Variants in SVEP1 observed in about 807,000 individuals in gnomAD.
SVEP1 encodes the protein sushi, von Willebrand factor type A, EGF and pentraxin domain containing 1.
In SVEP1, 164 loss-of-function variants were observed where a neutral mutation model predicts 367.3. That is an observed-to-expected ratio of 0.45 (90% CI 0.39 to 0.51). The LOEUF (loss-of-function observed/expected upper bound fraction) is 0.51, where lower values mean the gene tolerates loss of function less well. Ranked by LOEUF, SVEP1 falls within the 20% of genes least tolerant of loss-of-function variation. The probability of loss-of-function intolerance (pLI) is 0.00; values close to 1 mark genes in which losing one functional copy is unlikely to be tolerated. For synonymous variants in SVEP1, 1,666 were observed against 1,611.6 expected, an observed-to-expected ratio of 1.03 and a Z score of -0.81; for missense variants, 4,117 against 4,425.3, an observed-to-expected ratio of 0.93 and a Z score of 1.98.
At chr9:110,453,999 A>C (rs1828739347) in intron 22 of SVEP1, among the ~76,000 whole-genome samples, 1 of 149,734 alleles carries the variant, frequency 6.7e-6, no homozygotes, top group African/African-American at 2.5e-5. Context: ...TTGGTTGCTT[A>C]TGTGTCTTCT....
intron 3 of SVEP1, among the ~76,000 whole-genome samples, chr9:110,534,048 CA>C (rs553181823): frequency 1.6e-3 from 239 of 152,166 alleles, no homozygotes; most frequent in African/African-American, 5.5e-3. Context: ...ACTTTAGATT[CA>C]GGGGTACATG....
intron 7 of SVEP1, among the ~76,000 whole-genome samples, chr9:110,497,830 T>A (rs577242120): frequency 4.4e-4 from 67 of 152,380 alleles, no homozygotes; most frequent in Admixed American, 2.4e-3. Context: ...TGGCTGAATA[T>A]ATCTGAATTG....
chr9:110,404,624 G>C lies in SVEP1; in HGVS notation c.9441-72C>G, dbSNP rs937875220. ...AGTTTCTGATCTATCCTTGGATTTA[G>C]GAAGCTGTTACAAGGCTCAGTAGAT... On this transcript the variant is annotated intron_variant, in intron 38 of 47. Transcript: ENST00000374469. 4.2e-6 allele frequency: 6 copies of C among 1,415,756 alleles called. No homozygotes were observed. The African/African-American group carries it at 7.1e-5, about 17-fold the overall frequency. 87.7% of individuals were successfully genotyped at this position (1,415,756 alleles called of 1,614,324 possible). A position where few individuals can be genotyped will look rare whatever the true frequency, so the allele number is the denominator to read the frequency against.
At chr9:110,423,414 A>G (rs1828206411) in intron 36 of SVEP1, among the ~76,000 whole-genome samples, 1 of 152,096 alleles carries the variant, frequency 6.6e-6, no homozygotes, top group Admixed American at 6.6e-5. Flanking sequence ...AAATAAATAT[A>G]CATAAGCAGT....
At chr9:110,506,301 C>T (rs1011037154) in intron 5 of SVEP1, among the ~76,000 whole-genome samples, 3 of 152,146 alleles carry the variant, frequency 2.0e-5, no homozygotes, top group African/African-American at 7.2e-5. Flanking sequence ...AGGACATAGG[C>T]ATGGGCAAAG....
chr9:110,528,148 G>GTA (rs1437524359), intron 3 of SVEP1, among the ~76,000 whole-genome samples: 13 of 31,886 alleles, frequency 4.1e-4, no homozygotes, highest in Admixed American at 1.2e-3. Context: ...GTGTGTGTGT[G>GTA]TGTGTGTGTA....
chr9:110,521,398 G>T (rs1223917018), intron 3 of SVEP1, among the ~76,000 whole-genome samples: 2 of 152,132 alleles, frequency 1.3e-5, no homozygotes, highest in African/African-American at 4.8e-5. Flanking sequence ...GCAGGAAATG[G>T]CACCCTAACT....
In SVEP1 at chr9:110,406,825, AC is replaced by A; in HGVS notation, c.8774del (p.Gly2925ValfsTer87). On this transcript the variant is annotated frameshift_variant, in exon 38 of 48. Transcript: ENST00000374469. LOFTEE classifies it high-confidence loss of function. The part of the protein sequence containing the change: ...FHCHEGYILH[G>X]APKLTCQSDG... ...CTGACTGACAGGTGAGTTTTGGAGC[AC>A]CGTGCAAGATGTAGCCCTCGTGACA... 1 of 1,613,988 alleles carries A rather than the reference AC, an allele frequency of 6.2e-7. No individual in the cohort carries two copies.
intron 25 of SVEP1, 34 bp from the exon 26 acceptor site, chr9:110,446,072 C>A: frequency 6.4e-7 from 1 of 1,557,092 alleles, no homozygotes; most frequent in Admixed American, 1.9e-5. Flanking sequence ...CAGACTGTGG[C>A]ACTTGAAAGA....
intron 5 of SVEP1, among the ~76,000 whole-genome samples, chr9:110,504,058 T>G (rs548816321): frequency 6.6e-6 from 1 of 151,726 alleles, no homozygotes; most frequent in South Asian, 2.1e-4. Flanking sequence ...TTATTTTGTT[T>G]TGTTTTTTGT....
In SVEP1 at chr9:110,408,410, G is replaced by C; in HGVS notation, c.7190C>G (p.Ala2397Gly). The C allele has an allele frequency of 6.2e-7, 1 of 1,613,962 alleles. No individual in the cohort carries two copies. Among genetic ancestry groups the C allele is most frequent in the Non-Finnish European group, 8.5e-7 (1 of 1,179,888 alleles). Residue 2397 changes from alanine to glycine, a missense_variant, in exon 38 of 48, where the codon GCT (alanine) becomes GGT (glycine). This residue lies in a region of SVEP1 where 1,765 missense variants were observed against 1,781.1 expected (regional missense o/e 0.99). Coordinates refer to ENST00000374469, the MANE Select transcript of SVEP1 (RefSeq NM_153366.4). ...ISFGVPIPSS[A>G]LHFGSTVKYS... ...CTTGACAGTACTTCCAAAATGAAGA[G>C]CAGAAGAAGGAATGGGGACACCAAA...
intron 3 of SVEP1, among the ~76,000 whole-genome samples, chr9:110,540,434 A>G (rs1830130103): frequency 6.6e-6 from 1 of 152,140 alleles, no homozygotes; most frequent in Admixed American, 6.6e-5. Flanking sequence ...AGAGTTATGT[A>G]GGGTTTTTTA....
chr9:110,438,996 G>T (rs7043404), intron 27 of SVEP1, among the ~76,000 whole-genome samples: 98,174 of 151,976 alleles, frequency 0.65, 32,328 homozygotes, highest in East Asian at 0.96. Context: ...CACCAACTCC[G>T]TTTTTTAGAA....
chr9:110,545,787 C>A (rs1830212899), intron 3 of SVEP1, among the ~76,000 whole-genome samples: 1 of 152,110 alleles, frequency 6.6e-6, no homozygotes, highest in African/African-American at 2.4e-5. Flanking sequence ...CCCTGCCGTC[C>A]CCACCTGAAC....
chr9:110,371,829 T>C (rs932138914), intron 46 of SVEP1, among the ~76,000 whole-genome samples: 1 of 152,256 alleles, frequency 6.6e-6, no homozygotes, highest in African/African-American at 2.4e-5. Context: ...ACTTCACTAA[T>C]TCTTGCCAAT....
chr9:110,430,234 T>C (rs533753845), intron 33 of SVEP1, 40 bp downstream of exon 33: 35 of 1,574,676 alleles, frequency 2.2e-5, no homozygotes, highest in Non-Finnish European at 2.7e-5. Context: ...CTTTCTAGGA[T>C]TGCCAAACAT....
At position 110,472,144 on chromosome 9, in the gene SVEP1, A is replaced by G; in HGVS notation, c.2764+15T>C. ...TCCATTATATTGCTTTTTCAAATAG[A>G]CAGTTTATCCTTACCTGTGATGTTA... On this transcript the variant is annotated intron_variant, in intron 15 of 47. Transcript: ENST00000374469. The G allele has an allele frequency of 1.3e-6, 2 of 1,591,560 alleles. No homozygotes were observed. Among genetic ancestry groups the G allele is most frequent in the Non-Finnish European group, 1.7e-6 (2 of 1,173,690 alleles).
chr9:110,445,739 C>T, intron 26 of SVEP1, 98 bp downstream of exon 26: 1 of 1,362,896 alleles, frequency 7.3e-7, no homozygotes, highest in South Asian at 1.3e-5. Flanking sequence ...TCTGGGAACA[C>T]CTGACCCTCT....
intron 18 of SVEP1, among the ~76,000 whole-genome samples, chr9:110,460,604 T>C (rs913366700): frequency 1.3e-5 from 2 of 152,078 alleles, no homozygotes; most frequent in African/African-American, 4.8e-5. Context: ...AGTACAAAAA[T>C]TAGCCAGTGT....
Sources: allele counts gnomAD v4.1 joint callset (sites outside exome capture counted in the v4.1 genomes callset), GRCh38; gene constraint gnomAD v4.1.1; regional missense constraint gnomAD v4.1.1; transcripts MANE v1.5; gene names NCBI Gene and HGNC (gene_info 2026-07-23, HGNC 2026-07-21).